Variants in SLC47A2 observed in about 807,000 individuals in gnomAD.
The protein encoded by SLC47A2 is solute carrier family 47 member 2.
SLC47A2 carries 52 observed loss-of-function variants against 67.7 expected under a neutral mutation model. The observed-to-expected ratio is 0.77, with a 90% CI of 0.61 to 0.97. The LOEUF is 0.97. Ranked by LOEUF, SLC47A2 falls within the 50% of genes least tolerant of loss-of-function variation. The pLI is 0.00. For missense variants in SLC47A2, 676 were observed against 712.3 expected, an observed-to-expected ratio of 0.95 and a Z score of 0.58; for synonymous variants, 278 against 292.9, an observed-to-expected ratio of 0.95 and a Z score of 0.52.
At chr17:19,704,040 GA>G in intron 11 of SLC47A2, 29 bp downstream of exon 11, 2 of 1,557,938 alleles carry the variant, frequency 1.3e-6, no homozygotes, top group Non-Finnish European at 8.7e-7. Context: ...GCCAACGTTT[GA>G]AGGCCCACCA....
Position 19,705,518 on chromosome 17 carries a change from C to T in SLC47A2, c.842-15G>A, listed in dbSNP as rs201547430. 1.6e-5 allele frequency: 25 copies of T among 1,605,746 alleles called. No homozygotes were observed. The East Asian group carries it at 2.5e-4, about 16-fold the overall frequency. ...ACTGAGCAGCCCTAGAGAAGAGGCC[C>T]GCCGTGAGTCCGGCCCGCAGCCCCA... is the stretch of plus-strand genomic sequence containing the variant. On this transcript the variant is annotated splice_polypyrimidine_tract_variant and intron_variant, in intron 9 of 16. Coordinates refer to ENST00000433844, the MANE Select transcript of SLC47A2 (RefSeq NM_001099646.3).
intron 16 of SLC47A2, 110 bp from the exon 17 acceptor site, chr17:19,679,016 A>C: frequency 1.2e-6 from 1 of 831,612 alleles, no homozygotes; most frequent in Non-Finnish European, 2.0e-6. Flanking sequence ...GTTACACCTC[A>C]CAAGGGACGA....
At chr17:19,691,954 G>T (rs1051483346) in intron 13 of SLC47A2, among the ~76,000 whole-genome samples, 5 of 152,104 alleles carry the variant, frequency 3.3e-5, no homozygotes, top group African/African-American at 9.7e-5. Flanking sequence ...AAATTGGCTG[G>T]CGCAGTGGCT....
chr17:19,693,273 GA>G (rs1433653269), intron 13 of SLC47A2, among the ~76,000 whole-genome samples: 1 of 152,068 alleles, frequency 6.6e-6, no homozygotes, highest in Non-Finnish European at 1.5e-5. Flanking sequence ...AATAGAAGCA[GA>G]AAAAGCATTC....
rs765860425 is a variant in SLC47A2 at position 19,713,836 on chromosome 17, C to A, written c.432G>T (p.Pro144=). Residue 144 remains proline, a synonymous_variant, in exon 4 of 17, where the codon CCG becomes CCT. Coordinates refer to ENST00000433844, the MANE Select transcript of SLC47A2 (RefSeq NM_001099646.3). ...GGAGCCCAGCGCACCTGGACACGTC[C>A]GGGTCCTGCCGGAAGAGCAGCAGGA... ...QHILLLFRQD[P]DVSRLTQDYV... is the part of the protein sequence containing the mutation. The A allele has an allele frequency of 2.5e-6, 4 of 1,612,406 alleles. No individual in the cohort carries two copies. The highest frequency in any genetic ancestry group is 2.2e-5 in the East Asian group (1 of 44,854).
chr17:19,692,359 G>C, intron 13 of SLC47A2: 1 of 407,018 alleles, frequency 2.5e-6, no homozygotes, highest in Non-Finnish European at 4.7e-6. Flanking sequence ...ATGAAAATGA[G>C]AGCATCACTG....
At chr17:19,697,708 C>T (rs2085694959) in intron 13 of SLC47A2, among the ~76,000 whole-genome samples, 1 of 151,914 alleles carries the variant, frequency 6.6e-6, no homozygotes, top group Non-Finnish European at 1.5e-5. Flanking sequence ...CCACCTCAGC[C>T]TCCCTAGTAG....
At position 19,715,153 on chromosome 17, in the gene SLC47A2, C is replaced by T; in HGVS notation, c.188G>A (p.Gly63Asp). 6.2e-7 allele frequency: 1 copy of T among 1,612,474 alleles called. No individual in the cohort carries two copies. The highest frequency in any genetic ancestry group is 8.5e-7 in the Non-Finnish European group (1 of 1,179,996). Residue 63 changes from glycine (G) to aspartate (D), a missense_variant, in exon 2 of 17, where the codon GGC (glycine) becomes GAC (aspartate). Coordinates refer to ENST00000433844, the MANE Select transcript of SLC47A2 (RefSeq NM_001099646.3). ...IVSTVFCGHL[G>D]KVELASVTLA... The stretch of plus-strand genomic sequence containing the variant: ...GGTCACCGATGCCAGCTCCACCTTG[C>T]CCAGGTGCCCGCAGAACACAGTGCT...
At chr17:19,709,185 C>T (rs1489412661) in intron 5 of SLC47A2, among the ~76,000 whole-genome samples, 19 of 152,220 alleles carry the variant, frequency 1.2e-4, no homozygotes, top group Admixed American at 1.2e-3. Flanking sequence ...GGTGTGACTT[C>T]GGACGAGGGA....
chr17:19,690,361 G>A (rs1320424151), intron 13 of SLC47A2, among the ~76,000 whole-genome samples: 2 of 152,052 alleles, frequency 1.3e-5, no homozygotes, highest in East Asian at 1.9e-4. Flanking sequence ...AATTGATCTG[G>A]GCAAAGATTT....
At chr17:19,716,645 G>T (rs1201344830), upstream of SLC47A2, 1 of 1,462,218 alleles carries the variant, frequency 6.8e-7, no homozygotes, top group Non-Finnish European at 9.0e-7. Context: ...GGCAGCCCGT[G>T]TCGGTACAGC....
At chr17:19,694,318 GT>G (rs1000373952) in intron 13 of SLC47A2, among the ~76,000 whole-genome samples, 15 of 152,182 alleles carry the variant, frequency 9.9e-5, no homozygotes, top group Non-Finnish European at 1.8e-4. Context: ...AGTCAAAAGA[GT>G]TTGGGGACAG....
chr17:19,698,945 A>G (rs1486827499), intron 13 of SLC47A2, among the ~76,000 whole-genome samples: 1 of 152,224 alleles, frequency 6.6e-6, no homozygotes, highest in African/African-American at 2.4e-5. Flanking sequence ...ATTTAAACTC[A>G]TAGGAGGATG....
intron 13 of SLC47A2, among the ~76,000 whole-genome samples, chr17:19,697,250 A>G (rs935379747): frequency 3.3e-5 from 5 of 152,178 alleles, no homozygotes; most frequent in Non-Finnish European, 7.4e-5. Flanking sequence ...GTGAGCTGAG[A>G]TCGTGCTACT....
chr17:19,694,085 T>C (rs2085605393), intron 13 of SLC47A2, among the ~76,000 whole-genome samples: 2 of 152,300 alleles, frequency 1.3e-5, no homozygotes, highest in South Asian at 4.1e-4. Flanking sequence ...AGTATAAGAT[T>C]TGTCCATTGA....
chr17:19,682,632 A>G (rs2085341730), intron 13 of SLC47A2, among the ~76,000 whole-genome samples: 1 of 152,202 alleles, frequency 6.6e-6, no homozygotes, highest in South Asian at 2.1e-4. Flanking sequence ...ATGACCCAGG[A>G]TAATCCCCCT....
At chr17:19,712,101 G>T (rs2086116164) in intron 5 of SLC47A2, among the ~76,000 whole-genome samples, 1 of 152,046 alleles carries the variant, frequency 6.6e-6, no homozygotes, top group Admixed American at 6.6e-5. Context: ...AAATAATCCT[G>T]GAGGGCCGGG....
Position 19,678,604 on chromosome 17 carries a change from T to G in SLC47A2, c.*82A>C. On this transcript the variant is annotated 3_prime_UTR_variant, in exon 17 of 17. Coordinates refer to ENST00000433844, the MANE Select transcript of SLC47A2 (RefSeq NM_001099646.3). ...AAGTGTCCACCTGCACTAGACCCCATTGGTGTTTTTGCAGGGCAGACCGTG... is the reference window on the plus strand; with the variant it reads ...AAGTGTCCACCTGCACTAGACCCCAGTGGTGTTTTTGCAGGGCAGACCGTG... 1.3e-5 allele frequency: 18 copies of G among 1,394,740 alleles called. No individual in the cohort carries two copies. Among genetic ancestry groups the G allele is most frequent in the Non-Finnish European group, 1.7e-5 (17 of 988,770 alleles). The allele number at this position is 1,394,740 out of a possible 1,614,324, so 86.4% of individuals were successfully genotyped here. A position where few individuals can be genotyped will look rare whatever the true frequency, so the allele number is the denominator to read the frequency against.
intron 5 of SLC47A2, 40 bp downstream of exon 5, chr17:19,712,663 G>A (rs1326453219): frequency 1.2e-6 from 2 of 1,605,972 alleles, no homozygotes; most frequent in East Asian, 2.2e-5. Flanking sequence ...CCAGAATTTA[G>A]GGGAATGTGA....
Sources: gnomAD v4.1 joint callset for allele counts (sites outside exome capture counted in the v4.1 genomes callset) on GRCh38, gnomAD v4.1.1 for gene constraint, MANE v1.5 for transcripts, NCBI Gene and HGNC (gene_info 2026-07-23, HGNC 2026-07-21) for gene names.